Variants in CTNND2 observed in about 807,000 individuals in gnomAD.
The protein encoded by CTNND2 is catenin delta-2.
In CTNND2, 22 loss-of-function variants were observed where a neutral mutation model predicts 144.4. The observed-to-expected ratio is 0.15, with a 90% CI of 0.11 to 0.22. CTNND2 has a LOEUF of 0.22. Among genes scored for constraint, CTNND2 ranks in the 10% least tolerant of loss-of-function variants. The pLI is 1.00. For synonymous variants in CTNND2, 751 were observed against 695.6 expected (o/e 1.08, Z -1.25); for missense variants, 1,353 against 1,618.8 (o/e 0.84, Z 2.82).
intron 8 of CTNND2, among the ~76,000 whole-genome samples, chr5:11,363,090 T>C (rs1213980110): frequency 6.6e-6 from 1 of 152,246 alleles, no homozygotes; most frequent in Non-Finnish European, 1.5e-5. Flanking sequence ...TCTTAGCTCA[T>C]GGGCACTACT....
chr5:11,468,261 T>C (rs1300846954), intron 3 of CTNND2, among the ~76,000 whole-genome samples: 3 of 152,222 alleles, frequency 2.0e-5, no homozygotes, highest in Non-Finnish European at 4.4e-5. Flanking sequence ...ATCGCAGTCC[T>C]TAAGCATCAG....
chr5:11,297,426 T>C (rs1749138197), intron 9 of CTNND2, among the ~76,000 whole-genome samples: 1 of 152,194 alleles, frequency 6.6e-6, no homozygotes, highest in Non-Finnish European at 1.5e-5. Context: ...GATATGAGAA[T>C]GCAGCTGTCT....
At chr5:11,827,012 T>C (rs1793639397) in intron 1 of CTNND2, among the ~76,000 whole-genome samples, 1 of 151,902 alleles carries the variant, frequency 6.6e-6, no homozygotes, top group East Asian at 1.9e-4. Flanking sequence ...CACACAAAAA[T>C]AGCAGAATAA....
chr5:10,981,720 T>C, intron 21 of CTNND2, 53 bp downstream of exon 21: 1 of 1,500,962 alleles, frequency 6.7e-7, no homozygotes, highest in Admixed American at 1.8e-5. Flanking sequence ...TTCCAGGTTA[T>C]TTCACATGAG....
intron 1 of CTNND2, among the ~76,000 whole-genome samples, chr5:11,843,272 GAAT>G (rs1561850970): frequency 6.6e-6 from 1 of 152,168 alleles, no homozygotes; most frequent in Non-Finnish European, 1.5e-5. Context: ...TGCCTCCAGA[GAAT>G]AATTACATAA....
intron 2 of CTNND2, among the ~76,000 whole-genome samples, chr5:11,702,921 T>C (rs115970693): frequency 1.4e-3 from 211 of 152,304 alleles, no homozygotes; most frequent in African/African-American, 5.0e-3. Flanking sequence ...ACAGGCTTAG[T>C]ACCTGATCAT....
intron 2 of CTNND2, among the ~76,000 whole-genome samples, chr5:11,630,821 G>A (rs1653555800): frequency 6.6e-6 from 1 of 152,038 alleles, no homozygotes; most frequent in African/African-American, 2.4e-5. Context: ...AGGCGTGGTG[G>A]TGGGTGTCTG....
intron 1 of CTNND2, among the ~76,000 whole-genome samples, chr5:11,816,639 GGA>G (rs1453482123): frequency 1.2e-4 from 2 of 16,096 alleles, no homozygotes; most frequent in Non-Finnish European, 2.6e-4. Flanking sequence ...GGAGAGGGGG[GGA>G]AGAGAGAGAG....
intron 10 of CTNND2, among the ~76,000 whole-genome samples, chr5:11,234,671 C>T (rs1036695578): frequency 1.3e-5 from 2 of 152,168 alleles, no homozygotes; most frequent in African/African-American, 4.8e-5. Flanking sequence ...CAAGGCTGGC[C>T]CATGGATCAC....
chr5:11,045,314 A>T (rs529108835), intron 16 of CTNND2, among the ~76,000 whole-genome samples: 48 of 152,292 alleles, frequency 3.2e-4, no homozygotes, highest in South Asian at 2.5e-3. Flanking sequence ...CCACAGCAGA[A>T]GGTGAAGGGA....
At chr5:11,273,847 G>A (rs147567158) in intron 9 of CTNND2, among the ~76,000 whole-genome samples, 58 of 152,240 alleles carry the variant, frequency 3.8e-4, no homozygotes, top group Middle Eastern at 6.8e-3. Flanking sequence ...AAAGTTGTGC[G>A]CCATCCTGAT....
intron 2 of CTNND2, among the ~76,000 whole-genome samples, chr5:11,660,282 G>T (rs959400103): frequency 6.6e-6 from 1 of 152,126 alleles, no homozygotes; most frequent in East Asian, 1.9e-4. Flanking sequence ...CTTCATGAAG[G>T]TCTGCTATTT....
At chr5:11,893,931 T>C (rs1737190349) in intron 1 of CTNND2, among the ~76,000 whole-genome samples, 2 of 152,208 alleles carry the variant, frequency 1.3e-5, no homozygotes, top group African/African-American at 2.4e-5. Flanking sequence ...ACCTAAAACT[T>C]TGTAACTCAC....
At chr5:11,553,557 G>C (rs1301601917) in intron 3 of CTNND2, among the ~76,000 whole-genome samples, 3 of 152,074 alleles carry the variant, frequency 2.0e-5, no homozygotes, top group Non-Finnish European at 2.9e-5. Flanking sequence ...CATTTTTATA[G>C]ATGAAAGAAA....
At chr5:10,979,370 T>G (rs1268821094) in intron 21 of CTNND2, among the ~76,000 whole-genome samples, 2 of 152,250 alleles carry the variant, frequency 1.3e-5, no homozygotes, top group East Asian at 3.8e-4. Context: ...AGTCATTGGC[T>G]TCTTTGCTTT....
intron 9 of CTNND2, among the ~76,000 whole-genome samples, chr5:11,271,590 CAG>C (rs1746016984): frequency 6.6e-6 from 1 of 152,230 alleles, no homozygotes; most frequent in East Asian, 1.9e-4. Context: ...GCCACCTGGA[CAG>C]TAATCTCAAT....
At chr5:10,977,768 T>A (rs1736680676) in intron 21 of CTNND2, among the ~76,000 whole-genome samples, 1 of 152,204 alleles carries the variant, frequency 6.6e-6, no homozygotes, top group South Asian at 2.1e-4. Flanking sequence ...AGTCTTAAAG[T>A]GATGTCTGTA....
intron 3 of CTNND2, among the ~76,000 whole-genome samples, chr5:11,459,553 C>T (rs1169265738): frequency 6.6e-6 from 1 of 152,216 alleles, no homozygotes; most frequent in Admixed American, 6.5e-5. Context: ...AGTTGCCTGA[C>T]TTTTCATGCT....
intron 10 of CTNND2, among the ~76,000 whole-genome samples, chr5:11,232,358 C>T (rs1741125346): frequency 6.6e-6 from 1 of 152,226 alleles, no homozygotes; most frequent in Admixed American, 6.5e-5. Context: ...ACTGTGAAAG[C>T]AGCTGGGAGT....
Sources: gnomAD v4.1 joint callset for allele counts (sites outside exome capture counted in the v4.1 genomes callset) on GRCh38, gnomAD v4.1.1 for gene constraint, MANE v1.5 for transcripts, NCBI Gene and HGNC (gene_info 2026-07-23, HGNC 2026-07-21) for gene names.